The following TTC28 variants were observed in gnomAD, a reference collection of about 807,000 sequenced individuals.
TTC28 encodes the protein tetratricopeptide repeat domain 28.
A neutral mutation model predicts 198.0 loss-of-function variants in TTC28; 61 were observed. The ratio of observed to expected loss-of-function variants is 0.31; its 90% CI spans 0.25 to 0.38. The LOEUF (loss-of-function observed/expected upper bound fraction) is 0.38, where lower values mean the gene tolerates loss of function less well. Among genes scored for constraint, TTC28 ranks in the 10% least tolerant of loss-of-function variants. TTC28 has a pLI of 1.00. For synonymous variants in TTC28, 1,171 were observed against 1,297.8 expected (o/e 0.90, Z 2.10); for missense variants, 2,678 against 3,164.0 (o/e 0.85, Z 3.69).
intron 2 of TTC28, among the ~76,000 whole-genome samples, chr22:28,422,307 T>C (rs1453010212): frequency 6.6e-6 from 1 of 152,230 alleles, no homozygotes; most frequent in Non-Finnish European, 1.5e-5. Flanking sequence ...TATGTATGAA[T>C]GGCTTTTTTG....
intron 2 of TTC28, among the ~76,000 whole-genome samples, chr22:28,416,494 T>C (rs1306902323): frequency 6.6e-6 from 1 of 152,248 alleles, no homozygotes; most frequent in Non-Finnish European, 1.5e-5. Context: ...AAGAACTTTA[T>C]ACTTTGCTAG....
intron 3 of TTC28, among the ~76,000 whole-genome samples, chr22:28,299,092 C>T (rs2044961771): frequency 6.6e-6 from 1 of 152,054 alleles, no homozygotes; most frequent in African/African-American, 2.4e-5. Flanking sequence ...ACGTAGATAA[C>T]CTCCAAGCTC....
chr22:27,991,427 C>G (rs900438986), intron 19 of TTC28, among the ~76,000 whole-genome samples: 1 of 152,166 alleles, frequency 6.6e-6, no homozygotes, highest in African/African-American at 2.4e-5. Flanking sequence ...CGTTAATACA[C>G]TTATTACAAA....
At chr22:28,071,505 T>G (rs1236114156) in intron 12 of TTC28, among the ~76,000 whole-genome samples, 1 of 146,158 alleles carries the variant, frequency 6.8e-6, no homozygotes, top group Non-Finnish European at 1.5e-5. Flanking sequence ...CACCGCATAT[T>G]CTCACTCATA....
At position 28,105,655 on chromosome 22, in the gene TTC28, A is replaced by C; in HGVS notation, c.2931T>G (p.Ile977Met). ...HSQLGNYEQA[I>M]SCLERQLNIA... ...TGTTCAGCTGGCGTTCAAGGCAGGA[A>C]ATGGCTTGTTCGTAATTCCCTAATT... Residue 977 changes from isoleucine (I) to methionine (M), a missense_variant, in exon 8 of 23, where the codon ATT becomes ATG. Physicochemically the swap from Ile to Met is conservative, Grantham distance 10 (BLOSUM62 1). Coordinates refer to ENST00000397906, the MANE Select transcript of TTC28 (RefSeq NM_001145418.2). 6.4e-7 allele frequency: 1 copy of C among 1,552,010 alleles called. No individual in the cohort carries two copies.
At chr22:28,003,167 C>G (rs1046332385) in intron 14 of TTC28, among the ~76,000 whole-genome samples, 9 of 152,108 alleles carry the variant, frequency 5.9e-5, no homozygotes, top group African/African-American at 1.7e-4. Flanking sequence ...GGCCCCATGG[C>G]CTGCCATGGG....
chr22:28,496,362 A>G (rs2048455458), intron 2 of TTC28, among the ~76,000 whole-genome samples: 2 of 151,942 alleles, frequency 1.3e-5, no homozygotes, highest in South Asian at 4.2e-4. Context: ...CAAGCTCCAG[A>G]TCTCTCTCAA....
chr22:28,315,742 T>G (rs936565566), intron 2 of TTC28, among the ~76,000 whole-genome samples: 1 of 152,174 alleles, frequency 6.6e-6, no homozygotes, highest in African/African-American at 2.4e-5. Context: ...TATTGATATT[T>G]ATCTACCCCT....
chr22:28,057,815 T>C (rs1175937186), intron 12 of TTC28, among the ~76,000 whole-genome samples: 2 of 152,270 alleles, frequency 1.3e-5, no homozygotes, highest in Admixed American at 6.5e-5. Flanking sequence ...TCTGTAGATA[T>C]ACCCAGTTGT....
At chr22:28,334,066 T>G (rs1407696629) in intron 2 of TTC28, among the ~76,000 whole-genome samples, 1 of 145,618 alleles carries the variant, frequency 6.9e-6, no homozygotes, top group Non-Finnish European at 1.5e-5. Context: ...GTGTTCTCAT[T>G]GTTCAATTCC....
intron 5 of TTC28, among the ~76,000 whole-genome samples, chr22:28,233,198 A>AT (rs1928951066): frequency 1.3e-5 from 2 of 151,944 alleles, no homozygotes; most frequent in South Asian, 2.1e-4. Context: ...AAAATTCTGG[A>AT]TTTTTTTCAG....
chr22:28,421,687 C>T (rs2047256049), intron 2 of TTC28, among the ~76,000 whole-genome samples: 1 of 152,248 alleles, frequency 6.6e-6, no homozygotes, highest in African/African-American at 2.4e-5. Flanking sequence ...GTGGCTCACA[C>T]CTATAATCCC....
At chr22:28,575,116 G>C (rs934908297) in intron 2 of TTC28, among the ~76,000 whole-genome samples, 1 of 152,154 alleles carries the variant, frequency 6.6e-6, no homozygotes, top group African/African-American at 2.4e-5. Context: ...CAATGTCCTA[G>C]AGAGTTTCTC....
At chr22:28,378,891 G>A (rs1006135811) in intron 2 of TTC28, among the ~76,000 whole-genome samples, 4 of 152,040 alleles carry the variant, frequency 2.6e-5, no homozygotes, top group African/African-American at 9.7e-5. Flanking sequence ...GAGAAAATAA[G>A]ACCTGAAAAT....
At chr22:28,646,555 C>A (rs1282104500) in intron 1 of TTC28, among the ~76,000 whole-genome samples, 2 of 152,090 alleles carry the variant, frequency 1.3e-5, no homozygotes, top group Non-Finnish European at 2.9e-5. Context: ...GAGATAGCAA[C>A]CCTAATATTC....
rs79908503 is a variant in TTC28, at chr22:27,990,107, G to A, written c.5578-100C>T. 1,924 of 1,421,124 alleles carry A rather than the reference G, an allele frequency of 1.4e-3. 32 individuals carry two copies. The African/African-American group carries it at 0.024, about 18-fold the overall frequency. The allele number at this position is 1,421,124 out of a possible 1,614,324, so 88.0% of individuals were successfully genotyped here. ...TCTTATGTCACCTGTCACTGGCATC[G>A]CTAATGACCCTCTCATGAGTGTAGC... On this transcript the variant is annotated intron_variant, in intron 20 of 22. Coordinates refer to ENST00000397906, the MANE Select transcript of TTC28 (RefSeq NM_001145418.2).
intron 6 of TTC28, among the ~76,000 whole-genome samples, chr22:28,154,164 C>T (rs986011054): frequency 2.6e-5 from 4 of 152,158 alleles, no homozygotes; most frequent in Non-Finnish European, 5.9e-5. Context: ...AGGACTTTAA[C>T]TGAGCCTTCA....
intron 2 of TTC28, among the ~76,000 whole-genome samples, chr22:28,338,948 C>T (rs1387817887): frequency 1.3e-5 from 2 of 152,204 alleles, no homozygotes; most frequent in African/African-American, 4.8e-5. Context: ...AGGAGAGGCG[C>T]TCTGATTTTT....
intron 2 of TTC28, among the ~76,000 whole-genome samples, chr22:28,469,318 G>T (rs16986469): frequency 6.6e-6 from 1 of 152,162 alleles, no homozygotes; most frequent in Non-Finnish European, 1.5e-5. Flanking sequence ...TCAGAAAAAG[G>T]GAGAACCACG....
Sources: allele counts gnomAD v4.1 joint callset (sites outside exome capture counted in the v4.1 genomes callset), GRCh38; gene constraint gnomAD v4.1.1; transcripts MANE v1.5; gene names NCBI Gene and HGNC (gene_info 2026-07-23, HGNC 2026-07-21).